TBC1D31: variants seen among roughly 807,000 people sequenced by gnomAD.
TBC1D31 encodes TBC1 domain family member 31.
In TBC1D31, 99 loss-of-function variants were observed where a neutral mutation model predicts 132.9. That is an observed-to-expected ratio of 0.74 (90% CI 0.63 to 0.88). The LOEUF (loss-of-function observed/expected upper bound fraction) is 0.88, where lower values mean the gene tolerates loss of function less well. TBC1D31 is among the 40% of genes least tolerant of loss of function. The pLI, the probability that TBC1D31 is intolerant of heterozygous loss-of-function variation, is 0.00. For synonymous variants in TBC1D31, 385 were observed against 419.4 expected (o/e 0.92, Z 1.00); for missense variants, 1,134 against 1,256.6 (o/e 0.90, Z 1.48).
chr8:123,107,154 CTCTT>C lies in TBC1D31; in HGVS notation c.1209+1692_1209+1695del, dbSNP rs560775302. Among the ~76,000 whole-genome samples the C allele has an allele frequency of 3.9e-4, 59 of 152,208 alleles. 1 individual carries two copies. The highest frequency in any genetic ancestry group is 3.9e-4 in the Admixed American group (6 of 15,282). Reference sequence around the variant, plus strand: ...CAAACAGTTTAAGCACAATGAGCCACTCTTTATTGGTTCTAGGGGTGGTGAGAAC... The same window carrying C: ...CAAACAGTTTAAGCACAATGAGCCACTATTGGTTCTAGGGGTGGTGAGAAC... On this transcript the variant is annotated intron_variant, in intron 8 of 21. Transcript: ENST00000287380.
chr8:123,137,138 G>C (rs1821174443), intron 17 of TBC1D31, among the ~76,000 whole-genome samples: 1 of 152,164 alleles, frequency 6.6e-6, no homozygotes. Context: ...ATGAAACTAA[G>C]TATAAACTAA....
chr8:123,095,510 T>C (rs920171258), intron 5 of TBC1D31, among the ~76,000 whole-genome samples: 1 of 152,236 alleles, frequency 6.6e-6, no homozygotes, highest in Non-Finnish European at 1.5e-5. Context: ...TATTAGCATC[T>C]TTCAAAAGTG....
At position 123,085,480 on chromosome 8, in the gene TBC1D31, G is replaced by A. The variant is rs146483505; in HGVS notation, c.519+1140G>A. Among the ~76,000 whole-genome samples, 53 of 152,178 alleles carry A rather than the reference G, an allele frequency of 3.5e-4. No homozygotes were observed. The East Asian group carries it at 9.7e-3, about 28-fold the overall frequency. On this transcript the variant is annotated intron_variant, in intron 4 of 21. Coordinates refer to ENST00000287380, the MANE Select transcript of TBC1D31 (RefSeq NM_145647.4). ...GATGGAGTCTTGCTTTGTTGCCCAG[G>A]CTGGAGTGCAGTGGTGTGATCTTGG...
chr8:123,122,274 A>G (rs923134192), intron 11 of TBC1D31, among the ~76,000 whole-genome samples: 1 of 152,226 alleles, frequency 6.6e-6, no homozygotes, highest in African/African-American at 2.4e-5. Context: ...CCAATAGCCA[A>G]AAGATGGAAA....
chr8:123,162,155 C>T, the TBC1D31 span, among the ~76,000 whole-genome samples: 1 of 151,876 alleles, frequency 6.6e-6, no homozygotes. Context: ...CCTCCTTGAA[C>T]TCATTTCCAT....
At chr8:123,142,525 TCTCAC>T in intron 19 of TBC1D31, 69 bp downstream of exon 19, 1 of 1,260,930 alleles carries the variant, frequency 7.9e-7, no homozygotes, top group Non-Finnish European at 1.1e-6. Context: ...AAAGACAGAG[TCTCAC>T]TTTGTTGTAC....
intron 6 of TBC1D31, 57 bp from the exon 7 acceptor site, chr8:123,100,750 G>A: frequency 2.2e-6 from 3 of 1,357,788 alleles, no homozygotes; most frequent in Non-Finnish European, 2.1e-6. Flanking sequence ...TATATAGTAG[G>A]ACTTTCAGAC....
rs28582857 is a variant in TBC1D31, at chr8:123,087,719, G to A, written c.519+3379G>A. On this transcript the variant is annotated intron_variant, in intron 4 of 21. Transcript: ENST00000287380. The stretch of plus-strand genomic sequence containing the variant: ...GAGTATACGCTGAATAGTTGCCAAC[G>A]CAAACCTTGCTTGGACATTTAGACA... Among the ~76,000 whole-genome samples, 805 of 152,294 alleles carry A rather than the reference G, an allele frequency of 5.3e-3. 9 individuals carry two copies. Among genetic ancestry groups the A allele is most frequent in the African/African-American group, 0.017 (703 of 41,544 alleles).
chr8:123,130,263 G>A lies in TBC1D31; in HGVS notation c.2336G>A (p.Arg779His), dbSNP rs375869322. ...EMHLQDAARR[R>H]FLKLQQDQQE... ...CACTTACAAGATGCTGCAAGAAGGCGTTTTCTGAAGCTTCAGCAAGATCAA... is the reference window on the plus strand; with the variant it reads ...CACTTACAAGATGCTGCAAGAAGGCATTTTCTGAAGCTTCAGCAAGATCAA... The change falls in exon 16 of 22, where the codon CGT (arginine) becomes CAT (histidine). Residue 779 changes from arginine (R) to histidine (H), a missense_variant. Transcript: ENST00000287380. 2.9e-5 allele frequency: 46 copies of A among 1,612,780 alleles called. No individual in the cohort carries two copies. Among genetic ancestry groups the A allele is most frequent in the Non-Finnish European group, 2.5e-5 (30 of 1,179,398 alleles).
chr8:123,081,245 C>T lies in TBC1D31; in HGVS notation c.225-1457C>T, dbSNP rs752572230. 1.3e-3 allele frequency among the ~76,000 whole-genome samples: 199 copies of T among 152,274 alleles called. 1 individual carries two copies. Among genetic ancestry groups the T allele is most frequent in the Non-Finnish European group, 2.4e-3 (163 of 68,012 alleles). Reference sequence around the variant, plus strand: ...CATGTTGTGCTCCCCAGACATCTTTCTTTGGCTTACTTCCTTCCATATTTC... The same window carrying T: ...CATGTTGTGCTCCCCAGACATCTTTTTTTGGCTTACTTCCTTCCATATTTC... On this transcript the variant is annotated intron_variant, in intron 2 of 21. Transcript: ENST00000287380.
intron 8 of TBC1D31, among the ~76,000 whole-genome samples, chr8:123,106,481 ATTG>A (rs1481810307): frequency 2.6e-5 from 4 of 152,190 alleles, no homozygotes; most frequent in African/African-American, 9.7e-5. Context: ...ATGATAATCT[ATTG>A]TTGTGCCTAA....
At chr8:123,113,743 G>A (rs555592395) in intron 10 of TBC1D31, among the ~76,000 whole-genome samples, 176 of 137,472 alleles carry the variant, frequency 1.3e-3, no homozygotes, top group African/African-American at 4.4e-3. Flanking sequence ...AAGCTTCAAA[G>A]CAATTTTTTT....
At chr8:123,080,529 C>CTTT (rs57694076) in intron 2 of TBC1D31, among the ~76,000 whole-genome samples, 8 of 76,330 alleles carry the variant, frequency 1.0e-4, no homozygotes, top group Non-Finnish European at 1.6e-4. Flanking sequence ...TTCTTTTATT[C>CTTT]TTTTTTTTTT....
chr8:123,154,101 G>C (rs114833523), downstream of TBC1D31, among the ~76,000 whole-genome samples: 1,151 of 152,344 alleles, frequency 7.6e-3, 16 homozygotes, highest in African/African-American at 0.026. Flanking sequence ...CACAGTCATT[G>C]CATGTGGGTC....
At chr8:123,150,211 A>G in intron 21 of TBC1D31, 83 bp downstream of exon 21, 1 of 1,056,244 alleles carries the variant, frequency 9.5e-7, no homozygotes, top group Non-Finnish European at 1.4e-6. Context: ...AATTATATTT[A>G]TAGCATGTGG....
At chr8:123,128,220 A>T in intron 13 of TBC1D31, 61 bp from the exon 14 acceptor site, 8 of 832,598 alleles carry the variant, frequency 9.6e-6, no homozygotes, top group Non-Finnish European at 1.4e-5. Flanking sequence ...TCTTGTTTTA[A>T]TTCTACCTCA....
the TBC1D31 span, among the ~76,000 whole-genome samples, chr8:123,162,799 C>T: frequency 5.3e-5 from 8 of 152,074 alleles, no homozygotes; most frequent in Admixed American, 2.0e-4. Context: ...CCACCCAAAA[C>T]GTAATGGCTT....
At chr8:123,117,689 G>A (rs12547773) in intron 10 of TBC1D31, among the ~76,000 whole-genome samples, 2 of 146,798 alleles carry the variant, frequency 1.4e-5, no homozygotes, top group South Asian at 2.2e-4. Context: ...GGAGGCGGAG[G>A]TTGCAGTGAG....
At chr8:123,140,536 T>C (rs1172830772) in intron 17 of TBC1D31, among the ~76,000 whole-genome samples, 1 of 152,216 alleles carries the variant, frequency 6.6e-6, no homozygotes, top group Non-Finnish European at 1.5e-5. Flanking sequence ...GAAGTTCATT[T>C]TGACATTTTT....
Sources: allele counts gnomAD v4.1 joint callset (sites outside exome capture counted in the v4.1 genomes callset), GRCh38; gene constraint gnomAD v4.1.1; transcripts MANE v1.5; gene names NCBI Gene and HGNC (gene_info 2026-07-23, HGNC 2026-07-21).